ASIC2: variants seen among roughly 807,000 people sequenced by gnomAD.
The protein encoded by ASIC2 is acid sensing ion channel subunit 2.
Under a neutral mutation model 57.3 loss-of-function variants are expected in ASIC2, and 25 were observed. The ratio of observed to expected loss-of-function variants is 0.44; its 90% CI spans 0.32 to 0.61. The LOEUF (loss-of-function observed/expected upper bound fraction) is 0.61. ASIC2 is among the 20% of genes least tolerant of loss of function. ASIC2 has a pLI of 0.06. For missense variants in ASIC2, 641 were observed against 738.1 expected (o/e 0.87, Z 1.52); for synonymous variants, 319 against 307.5 (o/e 1.04, Z -0.39).
intron 3 of ASIC2, among the ~76,000 whole-genome samples, chr17:33,066,625 A>C (rs776906405): frequency 1.3e-5 from 2 of 152,150 alleles, no homozygotes; most frequent in Non-Finnish European, 2.9e-5. Flanking sequence ...CAGATGGACA[A>C]TTTGAAGACC....
At chr17:33,799,438 CTTTCTTTCT>C (rs1912049722) in intron 1 of ASIC2, among the ~76,000 whole-genome samples, 27 of 46,092 alleles carry the variant, frequency 5.9e-4, no homozygotes, top group South Asian at 3.7e-3. Flanking sequence ...TTCTTTCTTT[CTTTCTTTCT>C]TTCTTTCTTT....
chr17:34,035,251 C>T (rs1290234973), intron 1 of ASIC2, among the ~76,000 whole-genome samples: 1 of 144,420 alleles, frequency 6.9e-6, no homozygotes. Flanking sequence ...CAGAAACAAG[C>T]AATGGGGAAA....
chr17:33,126,528 T>C (rs2092323703), intron 1 of ASIC2, among the ~76,000 whole-genome samples: 1 of 152,196 alleles, frequency 6.6e-6, no homozygotes, highest in South Asian at 2.1e-4. Context: ...CTCACGCCTA[T>C]AATCCCAGCA....
intron 1 of ASIC2, among the ~76,000 whole-genome samples, chr17:33,691,728 C>G (rs1211497406): frequency 6.6e-6 from 1 of 152,038 alleles, no homozygotes; most frequent in African/African-American, 2.4e-5. Flanking sequence ...AACCAAATTA[C>G]TCTCTTCTCC....
chr17:33,327,410 C>A (rs1482476314), intron 1 of ASIC2, among the ~76,000 whole-genome samples: 3 of 152,136 alleles, frequency 2.0e-5, no homozygotes, highest in African/African-American at 7.2e-5. Context: ...ATTGGATAGT[C>A]ATAAATATAC....
chr17:33,899,962 G>A (rs1215550806), intron 1 of ASIC2, among the ~76,000 whole-genome samples: 1 of 152,168 alleles, frequency 6.6e-6, no homozygotes, highest in African/African-American at 2.4e-5. Context: ...TGAGTAAATG[G>A]TACAATATCT....
At chr17:33,710,536 C>T (rs1908996401) in intron 1 of ASIC2, among the ~76,000 whole-genome samples, 1 of 152,136 alleles carries the variant, frequency 6.6e-6, no homozygotes, top group Non-Finnish European at 1.5e-5. Flanking sequence ...GGAGGCTTCC[C>T]AGAGGAGATA....
intron 1 of ASIC2, among the ~76,000 whole-genome samples, chr17:33,908,927 T>C (rs1490550772): frequency 6.6e-6 from 1 of 152,210 alleles, no homozygotes; most frequent in Non-Finnish European, 1.5e-5. Context: ...TATTCCTTCC[T>C]TTCTTCTCCC....
At chr17:33,737,939 C>T (rs1342373773) in intron 1 of ASIC2, among the ~76,000 whole-genome samples, 1 of 152,062 alleles carries the variant, frequency 6.6e-6, no homozygotes. Context: ...AGGAAAAACC[C>T]AACTTGGTAA....
intron 1 of ASIC2, among the ~76,000 whole-genome samples, chr17:33,838,950 T>A (rs1913348545): frequency 6.6e-6 from 1 of 152,178 alleles, no homozygotes; most frequent in Admixed American, 6.5e-5. Flanking sequence ...TGAGGATATT[T>A]CCAGTCTAAT....
intron 1 of ASIC2, chr17:34,037,720 G>A: frequency 6.2e-7 from 1 of 1,614,168 alleles, no homozygotes; most frequent in South Asian, 1.1e-5. Flanking sequence ...GAGGCAACAA[G>A]TAGGGATCAC....
In ASIC2 at chr17:33,024,077, A is replaced by G. The variant is rs1285821113; in HGVS notation, c.1196-63T>C. ...GGCACTGGGATTTCTAAGGGTCCAG[A>G]GTAGCTGGATTGTAGCAGCTGAGAA... On this transcript the variant is annotated intron_variant, in intron 5 of 9. Transcript: ENST00000225823. 7 of 1,596,776 alleles carry G rather than the reference A, an allele frequency of 4.4e-6. No homozygotes were observed. The East Asian group carries it at 1.6e-4, about 36-fold the overall frequency.
chr17:33,456,746 G>C (rs1043444070), intron 1 of ASIC2, among the ~76,000 whole-genome samples: 1 of 152,152 alleles, frequency 6.6e-6, no homozygotes, highest in Non-Finnish European at 1.5e-5. Flanking sequence ...TCCAGCACTG[G>C]AGTATTGTAG....
intron 1 of ASIC2, among the ~76,000 whole-genome samples, chr17:34,086,898 C>G (rs1391223516): frequency 7.2e-5 from 11 of 152,132 alleles, no homozygotes; most frequent in Non-Finnish European, 2.9e-5. Context: ...CTTGGTAGAT[C>G]TTCCTCCATC....
chr17:34,008,836 A>T (rs1906616206), intron 1 of ASIC2, among the ~76,000 whole-genome samples: 1 of 152,328 alleles, frequency 6.6e-6, no homozygotes, highest in South Asian at 2.1e-4. Flanking sequence ...CAGAGTTTGC[A>T]GAGAACATGT....
intron 1 of ASIC2, among the ~76,000 whole-genome samples, chr17:33,901,252 G>C (rs1334420232): frequency 6.6e-6 from 1 of 152,030 alleles, no homozygotes; most frequent in Non-Finnish European, 1.5e-5. Context: ...CCTAACTTCT[G>C]GGATTGTAGT....
chr17:33,460,055 A>C (rs939566384), intron 1 of ASIC2, among the ~76,000 whole-genome samples: 3 of 152,084 alleles, frequency 2.0e-5, no homozygotes, highest in African/African-American at 2.4e-5. Context: ...TGTGTTTGAC[A>C]AACTAGCTAG....
chr17:33,318,673 T>C (rs948563975), intron 1 of ASIC2, among the ~76,000 whole-genome samples: 6 of 152,140 alleles, frequency 3.9e-5, no homozygotes, highest in African/African-American at 1.4e-4. Flanking sequence ...GTTCTCACCG[T>C]GAGGAAGGTA....
At chr17:33,523,478 C>T (rs1390786961) in intron 1 of ASIC2, among the ~76,000 whole-genome samples, 3 of 152,114 alleles carry the variant, frequency 2.0e-5, no homozygotes, top group African/African-American at 4.8e-5. Flanking sequence ...AGGCTAGTCT[C>T]GAACTCCTGG....
Sources: allele counts gnomAD v4.1 joint callset (sites outside exome capture counted in the v4.1 genomes callset), GRCh38; gene constraint gnomAD v4.1.1; transcripts MANE v1.5; gene names NCBI Gene and HGNC (gene_info 2026-07-23, HGNC 2026-07-21).